The following SETX variants were observed in gnomAD, a reference collection of about 807,000 sequenced individuals.
SETX encodes senataxin.
In SETX, 90 loss-of-function variants were observed where a neutral mutation model predicts 227.2. The ratio of observed to expected loss-of-function variants is 0.40; its 90% CI spans 0.33 to 0.47. The LOEUF is 0.47. Among genes scored for constraint, SETX ranks in the 20% least tolerant of loss-of-function variants. The pLI is 0.91. For synonymous variants in SETX, 1,210 were observed against 1,113.2 expected, an observed-to-expected ratio of 1.09 and a Z score of -1.73; for missense variants, 3,052 against 3,181.5, an observed-to-expected ratio of 0.96 and a Z score of 0.98.
chr9:132,270,753 T>C (rs901988027), intron 24 of SETX, among the ~76,000 whole-genome samples: 2 of 152,188 alleles, frequency 1.3e-5, no homozygotes, highest in South Asian at 2.1e-4. Context: ...TGTTAAGATA[T>C]TGTAGAACTA....
At chr9:132,306,647 G>A (rs1219464722) in intron 11 of SETX, among the ~76,000 whole-genome samples, 2 of 152,056 alleles carry the variant, frequency 1.3e-5, no homozygotes, top group African/African-American at 4.8e-5. Flanking sequence ...ATTCATCTTT[G>A]TTGATTTAAT....
rs143692455 is a variant in SETX, at chr9:132,350,787, C to A, written c.-7-1352G>T. 5.4e-3 allele frequency among the ~76,000 whole-genome samples: 827 copies of A among 152,080 alleles called. 16 individuals carry two copies. Among genetic ancestry groups the A allele is most frequent in the African/African-American group, 0.019 (773 of 41,482 alleles). ...AAAAGGACATTTAAAAATGAGATTT[C>A]AAAAAACAAAATCAAAACTTCTTTA... On this transcript the variant is annotated intron_variant, in intron 2 of 25. Coordinates refer to ENST00000224140, the MANE Select transcript of SETX (RefSeq NM_015046.7).
At chr9:132,334,793 T>G in intron 6 of SETX, 66 bp from the exon 7 acceptor site, 1 of 1,560,580 alleles carries the variant, frequency 6.4e-7, no homozygotes, top group Non-Finnish European at 8.8e-7. Context: ...TGGTTTAGTT[T>G]GCAAAAGAAT....
At chr9:132,316,793 C>T (rs1589713455) in intron 10 of SETX, among the ~76,000 whole-genome samples, 1 of 152,222 alleles carries the variant, frequency 6.6e-6, no homozygotes, top group East Asian at 1.9e-4. Context: ...TATCCGCCTG[C>T]CCCGTGCCAC....
At chr9:132,299,159 T>G (rs1294781615) in intron 12 of SETX, among the ~76,000 whole-genome samples, 1 of 152,116 alleles carries the variant, frequency 6.6e-6, no homozygotes, top group African/African-American at 2.4e-5. Context: ...TGAGAGAAAG[T>G]AAGGATCATG....
intron 5 of SETX, among the ~76,000 whole-genome samples, chr9:132,337,756 T>C (rs545970894): frequency 2.0e-5 from 3 of 152,294 alleles, no homozygotes; most frequent in Non-Finnish European, 4.4e-5. Flanking sequence ...TGGAGAGTGC[T>C]GGAGTTAGGA....
chr9:132,311,662 T>C, intron 11 of SETX, 95 bp downstream of exon 11: 1 of 856,042 alleles, frequency 1.2e-6, no homozygotes, highest in South Asian at 1.5e-5. Flanking sequence ...TTAGAAAATT[T>C]GTGTCCCCCT....
In SETX at chr9:132,262,599, T is replaced by G. The variant is rs1842454420; in HGVS notation, c.*1640A>C. 1 of 152,490 alleles carries G rather than the reference T, an allele frequency of 6.6e-6. No homozygotes were observed. The highest frequency in any genetic ancestry group is 1.5e-5 in the Non-Finnish European group (1 of 68,018). The allele number at this position is 152,490 out of a possible 1,614,324, so 9.4% of individuals were successfully genotyped here. A position where few individuals can be genotyped will look rare whatever the true frequency, so the allele number is the denominator to read the frequency against. The stretch of plus-strand genomic sequence containing the variant: ...GTGGCTGACTCTGGGGACAAAGCAC[T>G]CCAGGAAGTCACCTGCTCCCTGGGT... On this transcript the variant is annotated 3_prime_UTR_variant, in exon 26 of 26. Transcript: ENST00000224140.
At chr9:132,348,320 G>A (rs1160617200) in intron 3 of SETX, among the ~76,000 whole-genome samples, 11 of 135,320 alleles carry the variant, frequency 8.1e-5, no homozygotes, top group Non-Finnish European at 1.4e-4. Context: ...CCAAGATCAC[G>A]CCACTGCACT....
chr9:132,352,343 G>T (rs554759211), intron 2 of SETX, among the ~76,000 whole-genome samples: 2 of 152,134 alleles, frequency 1.3e-5, no homozygotes, highest in South Asian at 2.1e-4. Context: ...GTTTTCGAAG[G>T]CTTGTCCTGA....
In SETX at chr9:132,263,391, CA is replaced by C. The variant is rs767053913; in HGVS notation, c.*847del. Reference sequence around the variant, plus strand: ...CAGCGCTAATCTAGCATTTGGCAACCAAATGTCTGTACCTCACCAGTCACAC... The same window carrying C: ...CAGCGCTAATCTAGCATTTGGCAACCAATGTCTGTACCTCACCAGTCACAC... On this transcript the variant is annotated 3_prime_UTR_variant, in exon 26 of 26. Coordinates refer to ENST00000224140, the MANE Select transcript of SETX (RefSeq NM_015046.7). 1 of 152,174 alleles carries C rather than the reference CA, an allele frequency of 6.6e-6. No individual in the cohort carries two copies. The highest frequency in any genetic ancestry group is 1.5e-5 in the Non-Finnish European group (1 of 68,032). 9.4% of individuals were successfully genotyped at this position (152,174 alleles called of 1,614,324 possible).
intron 11 of SETX, among the ~76,000 whole-genome samples, chr9:132,302,720 G>A (rs1845085453): frequency 1.6e-5 from 2 of 127,286 alleles, no homozygotes; most frequent in Non-Finnish European, 1.7e-5. Context: ...TTTTATAAAT[G>A]TTGACAAGTT....
At position 132,327,160 on chromosome 9, in the gene SETX, A is replaced by G; in HGVS notation, c.4438T>C (p.Leu1480=). 6.2e-7 allele frequency: 1 copy of G among 1,614,126 alleles called. No homozygotes were observed. ...CTGGAGTCAGGCTCTCCTTCTTTCA[A>G]AGCTGCCATCTCTATATGACGTGCT... ...PTARHIEMAA[L]KEGEPDSSSD... is the part of the protein sequence containing the mutation. The change falls in exon 10 of 26, where the codon TTG becomes CTG. Residue 1480 remains leucine (L), a synonymous_variant. Transcript: ENST00000224140.
At position 132,327,852 on chromosome 9, in the gene SETX, G is replaced by A; in HGVS notation, c.3746C>T (p.Ala1249Val). The change falls in exon 10 of 26, where the codon GCC becomes GTC. Residue 1249 changes from alanine (A) to valine (V), a missense_variant. Ala to Val is a moderately conservative substitution (Grantham distance 64, BLOSUM62 0). Around this residue, in one of 10 missense-constraint regions of SETX, gnomAD observed 1,483 missense variants for 1,312.0 expected, o/e 1.13. Coordinates refer to ENST00000224140, the MANE Select transcript of SETX (RefSeq NM_015046.7). Reference protein sequence around the residue: ...SKTPKKTHSDAKKGQNRSSNY... With the variant: ...SKTPKKTHSDVKKGQNRSSNY... ...TGAACTTCTATTCTGTCCTTTTTTG[G>A]CATCTGAATGAGTTTTCTTAGGGGT... 6.2e-7 allele frequency: 1 copy of A among 1,614,048 alleles called. No individual in the cohort carries two copies. The highest frequency in any genetic ancestry group is 8.5e-7 in the Non-Finnish European group (1 of 1,179,992).
At chr9:132,349,968 T>C (rs777403658) in intron 2 of SETX, among the ~76,000 whole-genome samples, 3 of 152,056 alleles carry the variant, frequency 2.0e-5, no homozygotes, top group Non-Finnish European at 2.9e-5. Flanking sequence ...AGAGACACAA[T>C]ATATTGGTGG....
chr9:132,346,196 C>T, intron 4 of SETX, 65 bp downstream of exon 4: 2 of 1,326,418 alleles, frequency 1.5e-6, no homozygotes, highest in Non-Finnish European at 2.2e-6. Flanking sequence ...TATAGATAAG[C>T]CTAAATTCTT....
intron 24 of SETX, among the ~76,000 whole-genome samples, 154 bp downstream of exon 24, chr9:132,271,556 A>G (rs891989632): frequency 2.0e-5 from 3 of 152,174 alleles, no homozygotes; most frequent in Admixed American, 1.3e-4. Context: ...TTCACAACTT[A>G]AAAGAGAAAC....
In SETX at chr9:132,262,015, C is replaced by T. The variant is rs1468951643; in HGVS notation, c.*2224G>A. 6 of 154,024 alleles carry T rather than the reference C, an allele frequency of 3.9e-5. No homozygotes were observed. The highest frequency in any genetic ancestry group is 7.3e-5 in the Non-Finnish European group (5 of 68,126). 9.5% of individuals were successfully genotyped at this position (154,024 alleles called of 1,614,324 possible). On this transcript the variant is annotated 3_prime_UTR_variant, in exon 26 of 26. Transcript: ENST00000224140. Reference sequence around the variant, plus strand: ...TGGCAAATACTTGTACCAACTGGAACGAGTGAAGTTTCAAAAGTAATGTGA... The same window carrying T: ...TGGCAAATACTTGTACCAACTGGAATGAGTGAAGTTTCAAAAGTAATGTGA...
chr9:132,288,227 C>A lies in SETX; in HGVS notation c.6324+9G>T. On this transcript the variant is annotated intron_variant, in intron 17 of 25. Coordinates refer to ENST00000224140, the MANE Select transcript of SETX (RefSeq NM_015046.7). Reference sequence around the variant, plus strand: ...TACCTGAGTTATTATTCAAGAAATGCAAAGATACCTGTATTTCCCGTCCAC... The same window carrying A: ...TACCTGAGTTATTATTCAAGAAATGAAAAGATACCTGTATTTCCCGTCCAC... 6.2e-7 allele frequency: 1 copy of A among 1,608,628 alleles called. No homozygotes were observed. The highest frequency in any genetic ancestry group is 8.5e-7 in the Non-Finnish European group (1 of 1,175,176).
Sources: allele counts gnomAD v4.1 joint callset (sites outside exome capture counted in the v4.1 genomes callset), GRCh38; gene constraint gnomAD v4.1.1; regional missense constraint gnomAD v4.1.1; transcripts MANE v1.5; gene names NCBI Gene and HGNC (gene_info 2026-07-23, HGNC 2026-07-21).